Variants in DOCK11 observed in about 807,000 individuals in gnomAD.
DOCK11 encodes the protein dedicator of cytokinesis protein 11.
DOCK11 carries 70 observed loss-of-function variants against 169.1 expected under a neutral mutation model. The ratio of observed to expected loss-of-function variants is 0.41; its 90% CI spans 0.34 to 0.51. The LOEUF is 0.51. Ranked by LOEUF, DOCK11 falls within the 20% of genes least tolerant of loss-of-function variation. The pLI, the probability that DOCK11 is intolerant of heterozygous loss-of-function variation, is 0.10. For missense variants in DOCK11, 1,166 were observed against 1,538.8 expected (o/e 0.76, Z 4.05); for synonymous variants, 529 against 541.3 (o/e 0.98, Z 0.32).
chrX:118,657,846 GGAGGAATTAAAGA>G lies in DOCK11; in HGVS notation c.4969+2886_4969+2898del, dbSNP rs747266212. Among the ~76,000 whole-genome samples, 618 of 110,985 alleles carry G rather than the reference GGAGGAATTAAAGA, an allele frequency of 5.6e-3. 4 individuals carry two copies. Among genetic ancestry groups the G allele is most frequent in the African/African-American group, 0.019 (576 of 30,535 alleles). On this transcript the variant is annotated intron_variant, in intron 44 of 52. Transcript: ENST00000276202. The stretch of plus-strand genomic sequence containing the variant: ...TTTGGGGACTGGGGGTGGGGGCCAG[GGAGGAATTAAAGA>G]CTACACATTGGGTACTGCTCGGGTG...
chrX:118,499,909 CAG>C (rs1349383541), intron 1 of DOCK11, among the ~76,000 whole-genome samples: 1 of 111,955 alleles, frequency 8.9e-6, no homozygotes, highest in Non-Finnish European at 1.9e-5. Flanking sequence ...GCTGTGAAGC[CAG>C]AGAGGCCTCC....
chrX:118,618,145 T>G (rs1206174225), intron 30 of DOCK11, among the ~76,000 whole-genome samples: 1 of 111,932 alleles, frequency 8.9e-6, no homozygotes, highest in African/African-American at 3.2e-5. Flanking sequence ...GATAAGTAAA[T>G]CAAGTATTAT....
intron 1 of DOCK11, among the ~76,000 whole-genome samples, chrX:118,516,327 C>T (rs1261740586): frequency 6.5e-5 from 7 of 106,962 alleles, no homozygotes; most frequent in African/African-American, 2.4e-4. Context: ...GATCTCCTGA[C>T]CTCGTAATCT....
intron 14 of DOCK11, among the ~76,000 whole-genome samples, chrX:118,582,018 T>C (rs1008960347): frequency 4.6e-5 from 5 of 108,205 alleles, no homozygotes; most frequent in Non-Finnish European, 7.6e-5. Flanking sequence ...TAATCCCAGC[T>C]ACTCGGGAGG....
At chrX:118,498,818 C>A (rs1284901020) in intron 1 of DOCK11, among the ~76,000 whole-genome samples, 1 of 110,463 alleles carries the variant, frequency 9.1e-6, no homozygotes, top group Non-Finnish European at 1.9e-5. Context: ...TTGCTAACAT[C>A]ATTCAGTTTT....
intron 23 of DOCK11, among the ~76,000 whole-genome samples, chrX:118,601,646 A>G (rs2014341539): frequency 8.9e-6 from 1 of 111,916 alleles, no homozygotes; most frequent in African/African-American, 3.2e-5. Context: ...TTTTCTGAAG[A>G]TGTGGAATTT....
rs766650453 is a variant in DOCK11 at position 118,654,872 on chromosome X, C to T, written c.4912-32C>T. The T allele has an allele frequency of 3.3e-6, 4 of 1,206,070 alleles. No homozygotes were observed. In the South Asian group the frequency reaches 7.0e-5, roughly 21 times the overall value. On this transcript the variant is annotated intron_variant, in intron 43 of 52. Coordinates refer to ENST00000276202, the MANE Select transcript of DOCK11 (RefSeq NM_144658.4). The stretch of plus-strand genomic sequence containing the variant: ...CCCTTCAAAACACCTTGAGCATGTT[C>T]TGACAGTTCTTTCTCTGTCATCCTT...
intron 44 of DOCK11, among the ~76,000 whole-genome samples, chrX:118,656,760 C>G (rs1318563915): frequency 9.0e-6 from 1 of 111,512 alleles, no homozygotes; most frequent in African/African-American, 3.3e-5. Flanking sequence ...GTCAGGAGTT[C>G]AAGACCACCC....
chrX:118,558,577 G>C (rs1474373189), intron 6 of DOCK11, among the ~76,000 whole-genome samples: 3 of 112,048 alleles, frequency 2.7e-5, no homozygotes, highest in Non-Finnish European at 5.6e-5. Flanking sequence ...TTCCATGAGA[G>C]AGATTTAGGA....
Position 118,521,824 on chromosome X carries a change from C to T in DOCK11, c.103-20901C>T, listed in dbSNP as rs977781844. On this transcript the variant is annotated intron_variant, in intron 1 of 52. Transcript: ENST00000276202. ...ATTGAATATGTATTCTCCCCTCCCT[C>T]CATCTCAAATGTAACATATCAATAA... Among the ~76,000 whole-genome samples the T allele has an allele frequency of 3.6e-5, 4 of 111,835 alleles. No homozygotes were observed. The South Asian group carries it at 1.5e-3, about 42-fold the overall frequency.
At position 118,609,352 on chromosome X, in the gene DOCK11, A is replaced by C. The variant is rs1029287427; in HGVS notation, c.2949+3A>C. 8 of 1,147,839 alleles carry C rather than the reference A, an allele frequency of 7.0e-6. No individual in the cohort carries two copies. Among genetic ancestry groups the C allele is most frequent in the Non-Finnish European group, 9.4e-6 (8 of 849,176 alleles). The allele number at this position is 1,147,839 out of a possible 1,213,427, so 94.6% of individuals were successfully genotyped here. On this transcript the variant is annotated splice_donor_region_variant and intron_variant, in intron 27 of 52. Coordinates refer to ENST00000276202, the MANE Select transcript of DOCK11 (RefSeq NM_144658.4). ...TGTTGGAAGAGAATAAGATTAAGGT[A>C]AGTAAATTAAGGTAAAGAATAACTT...
chrX:118,648,550 CAT>C (rs201393196), intron 40 of DOCK11, among the ~76,000 whole-genome samples: 7 of 93,017 alleles, frequency 7.5e-5, no homozygotes, highest in African/African-American at 1.6e-4. Flanking sequence ...TTATATATAA[CAT>C]AAATTATATA....
chrX:118,498,520 G>A (rs2057552611), intron 1 of DOCK11, among the ~76,000 whole-genome samples: 1 of 112,154 alleles, frequency 8.9e-6, no homozygotes, highest in African/African-American at 3.2e-5. Flanking sequence ...GTAAAACCAC[G>A]AGTGGCTGGA....
At chrX:118,575,813 G>A (rs1301187160) in intron 12 of DOCK11, among the ~76,000 whole-genome samples, 7 of 112,361 alleles carry the variant, frequency 6.2e-5, no homozygotes, top group African/African-American at 2.3e-4. Context: ...AAGCCAATGT[G>A]TATTTCCCGT....
intron 1 of DOCK11, among the ~76,000 whole-genome samples, chrX:118,532,833 G>C (rs190584742): frequency 9.1e-4 from 97 of 107,141 alleles, no homozygotes; most frequent in Middle Eastern, 0.01. Context: ...GTGGGATACA[G>C]GATAAACGTA....
At chrX:118,631,637 G>GT (rs200466229) in intron 35 of DOCK11, among the ~76,000 whole-genome samples, 449 of 109,332 alleles carry the variant, frequency 4.1e-3, no homozygotes, top group Non-Finnish European at 6.8e-3. Context: ...CTCAGTAAAT[G>GT]TTTTTTTTTA....
chrX:118,516,103 T>C (rs1308048862), intron 1 of DOCK11, among the ~76,000 whole-genome samples: 2 of 80,780 alleles, frequency 2.5e-5, no homozygotes, highest in Non-Finnish European at 4.7e-5. Flanking sequence ...CTTTTTTTTT[T>C]TTTTTTTGTG....
chrX:118,641,147 A>G (rs759927379), intron 38 of DOCK11, 43 bp from the exon 39 acceptor site: 1 of 989,188 alleles, frequency 1.0e-6, no homozygotes, highest in East Asian at 3.1e-5. Flanking sequence ...CATTATGTGC[A>G]TCTTCGTGTT....
chrX:118,542,174 A>G (rs1164432314), intron 1 of DOCK11, among the ~76,000 whole-genome samples: 1 of 107,285 alleles, frequency 9.3e-6, no homozygotes, highest in Non-Finnish European at 1.9e-5. Flanking sequence ...TTTCTCCAGA[A>G]CTTTTTTTTT....
Sources: gnomAD v4.1 joint callset for allele counts (sites outside exome capture counted in the v4.1 genomes callset) on GRCh38, gnomAD v4.1.1 for gene constraint, MANE v1.5 for transcripts, NCBI Gene and HGNC (gene_info 2026-07-23, HGNC 2026-07-21) for gene names.